VSNL1: variants seen among roughly 807,000 people sequenced by gnomAD.
VSNL1 encodes visinin-like protein 1.
In VSNL1, 6 loss-of-function variants were observed where a neutral mutation model predicts 20.4. That is an observed-to-expected ratio of 0.29 (90% confidence interval 0.16 to 0.58). The LOEUF (loss-of-function observed/expected upper bound fraction) is 0.58, where lower values mean the gene tolerates loss of function less well. Among genes scored for constraint, VSNL1 ranks in the 20% least tolerant of loss-of-function variants. The pLI, the probability that VSNL1 is intolerant of heterozygous loss-of-function variation, is 0.90. For missense variants in VSNL1, 100 were observed against 234.5 expected (o/e 0.43, Z 3.75); for synonymous variants, 93 against 86.4 (o/e 1.08, Z -0.42).
chr2:17,644,741 C>T (rs1367930975), intron 2 of VSNL1, among the ~76,000 whole-genome samples: 1 of 152,188 alleles, frequency 6.6e-6, no homozygotes, highest in Non-Finnish European at 1.5e-5. Flanking sequence ...GAGCCTTGTT[C>T]CACGAGACAC....
rs1664604968 is a variant in VSNL1, at chr2:17,592,140, T to C, written c.66T>C (p.Phe22=). The change falls in exon 2 of 4, where the codon TTT becomes TTC. Residue 22 remains phenylalanine, a synonymous_variant. Transcript: ENST00000295156. The stretch of plus-strand genomic sequence containing the variant: ...AGGACCTGGTGAAGAGCACAGAGTT[T>C]AATGAGCATGAACTCAAGCAGTGGT... ...VMEDLVKSTE[F]NEHELKQWYK... is the part of the protein sequence containing the mutation. The C allele has an allele frequency of 6.2e-7, 1 of 1,613,882 alleles. No homozygotes were observed. Among genetic ancestry groups the C allele is most frequent in the Middle Eastern group, 1.7e-4 (1 of 6,058 alleles).
At chr2:17,639,689 T>C (rs1665839582) in intron 2 of VSNL1, among the ~76,000 whole-genome samples, 3 of 152,224 alleles carry the variant, frequency 2.0e-5, no homozygotes, top group African/African-American at 7.2e-5. Context: ...AATAGCATCT[T>C]TCATCGGCTG....
chr2:17,563,987 G>A (rs1474308085), intron 1 of VSNL1, among the ~76,000 whole-genome samples: 1 of 151,808 alleles, frequency 6.6e-6, no homozygotes, highest in Non-Finnish European at 1.5e-5. Flanking sequence ...ATTACATGAA[G>A]GTTTTTTCAG....
chr2:17,608,745 T>G (rs1168817926), intron 2 of VSNL1, among the ~76,000 whole-genome samples: 1 of 152,128 alleles, frequency 6.6e-6, no homozygotes, highest in African/African-American at 2.4e-5. Context: ...ATAATACATA[T>G]CAGGCAGGAA....
At position 17,649,572 on chromosome 2, in the gene VSNL1, G is replaced by T; in HGVS notation, c.325G>T (p.Asp109Tyr). ...GCTGAACTGGGCCTTCAATATGTAT[G>T]ACCTGGATGGTGATGGCAAGATCAC... ...QKLNWAFNMY[D>Y]LDGDGKITRV... Residue 109 changes from aspartate to tyrosine, a missense_variant, in exon 3 of 4, where the codon GAC (aspartate) becomes TAC (tyrosine). By Grantham distance (160) the Asp-to-Tyr change is radical (BLOSUM62 -3). Coordinates refer to ENST00000295156, the MANE Select transcript of VSNL1 (RefSeq NM_003385.5). This position sits in a 1 kb window ranked among gnomAD's most constrained non-coding sequence, Gnocchi z 6.4. 1 of 1,614,130 alleles carries T rather than the reference G, an allele frequency of 6.2e-7. No homozygotes were observed. Among genetic ancestry groups the T allele is most frequent in the South Asian group, 1.1e-5 (1 of 91,058 alleles).
intron 2 of VSNL1, among the ~76,000 whole-genome samples, chr2:17,618,912 T>C (rs1266735687): frequency 1.3e-5 from 2 of 152,038 alleles, no homozygotes; most frequent in Admixed American, 6.6e-5. Flanking sequence ...CACCAGAAAA[T>C]TCCCCCAGCA....
At chr2:17,554,303 A>G (rs1209045606) in intron 1 of VSNL1, among the ~76,000 whole-genome samples, 1 of 152,198 alleles carries the variant, frequency 6.6e-6, no homozygotes, top group East Asian at 1.9e-4. Context: ...AAATCTACAC[A>G]GTATTCCAGC....
chr2:17,617,669 C>T (rs1394418525), intron 2 of VSNL1, among the ~76,000 whole-genome samples: 4 of 151,990 alleles, frequency 2.6e-5, no homozygotes, highest in South Asian at 2.1e-4. Context: ...GTGGTGCTGC[C>T]GAGAGCTGGG....
chr2:17,610,312 A>G (rs916079630), intron 2 of VSNL1, among the ~76,000 whole-genome samples: 1 of 152,204 alleles, frequency 6.6e-6, no homozygotes. Flanking sequence ...AAAGAGCTCA[A>G]TCAATGAGGG....
intron 2 of VSNL1, among the ~76,000 whole-genome samples, chr2:17,621,214 CCTTT>C (rs979400144): frequency 1.3e-5 from 2 of 151,770 alleles, no homozygotes; most frequent in African/African-American, 2.4e-5. Context: ...TTCCTTCCTT[CCTTT>C]CTCTCTCTCT....
rs1374532754 is a variant in VSNL1 at position 17,655,910 on chromosome 2, GTAC to G, written c.*520_*522del. ...GCTTGTATTATCAGTGAATATAAAT[GTAC>G]TACATTTGCATGCCTTTTGGGTTTG... On this transcript the variant is annotated 3_prime_UTR_variant, in exon 4 of 4. Coordinates refer to ENST00000295156, the MANE Select transcript of VSNL1 (RefSeq NM_003385.5). This position sits in a 1 kb window ranked among gnomAD's most constrained non-coding sequence, Gnocchi z 5.2. The G allele has an allele frequency of 6.5e-6, 1 of 153,088 alleles. No homozygotes were observed. Among genetic ancestry groups the G allele is most frequent in the African/African-American group, 2.4e-5 (1 of 41,430 alleles). 9.5% of individuals were successfully genotyped at this position (153,088 alleles called of 1,614,324 possible).
chr2:17,615,330 A>AT (rs1244663036), intron 2 of VSNL1, among the ~76,000 whole-genome samples: 18 of 152,176 alleles, frequency 1.2e-4, no homozygotes, highest in East Asian at 1.2e-3. Flanking sequence ...ATGGAGTATC[A>AT]TTTTTTAAAA....
chr2:17,549,220 C>T (rs535836254), intron 1 of VSNL1, among the ~76,000 whole-genome samples: 6 of 152,114 alleles, frequency 3.9e-5, no homozygotes, highest in Non-Finnish European at 8.8e-5. Context: ...AGAGGGAGGC[C>T]ATACACACAA....
intron 2 of VSNL1, among the ~76,000 whole-genome samples, chr2:17,601,917 C>T (rs1664829576): frequency 1.3e-5 from 2 of 152,126 alleles, no homozygotes; most frequent in Non-Finnish European, 2.9e-5. Flanking sequence ...GCCTGAATGA[C>T]AGAGCGAGAC....
chr2:17,643,144 C>A (rs114339616), intron 2 of VSNL1, among the ~76,000 whole-genome samples: 9 of 152,166 alleles, frequency 5.9e-5, no homozygotes, highest in Non-Finnish European at 1.2e-4. Context: ...TCTTCTTATG[C>A]GTGGTTGCCT....
Position 17,649,753 on chromosome 2 carries a change from A to T in VSNL1, c.378+128A>T, listed in dbSNP as rs1234032241. 1.1e-6 allele frequency: 1 copy of T among 870,552 alleles called. No homozygotes were observed. The highest frequency in any genetic ancestry group is 1.8e-6 in the Non-Finnish European group (1 of 561,782). 53.9% of individuals were successfully genotyped at this position (870,552 alleles called of 1,614,324 possible). A position where few individuals can be genotyped will look rare whatever the true frequency, so the allele number is the denominator to read the frequency against. On this transcript the variant is annotated intron_variant, in intron 3 of 3. Coordinates refer to ENST00000295156, the MANE Select transcript of VSNL1 (RefSeq NM_003385.5). The surrounding 1 kb of genome is among the most constrained non-coding windows in gnomAD (Gnocchi z 6.4). ...CCTGCCAGCTGCACACCACGCCTGG[A>T]CTTCTCCTGCTTCTGTCCCCGCTGC... is the stretch of plus-strand genomic sequence containing the variant.
intron 2 of VSNL1, among the ~76,000 whole-genome samples, chr2:17,623,583 T>C (rs1184734949): frequency 1.4e-5 from 2 of 142,294 alleles, no homozygotes; most frequent in Non-Finnish European, 3.0e-5. Flanking sequence ...GGCAGGAGAA[T>C]GGCGTGAACC....
At chr2:17,569,343 A>G (rs898915510) in intron 1 of VSNL1, among the ~76,000 whole-genome samples, 1 of 151,400 alleles carries the variant, frequency 6.6e-6, no homozygotes, top group Non-Finnish European at 1.5e-5. Context: ...TAAATTAAAT[A>G]AAATAAATTA....
chr2:17,652,914 TCTC>T (rs1169034635), intron 3 of VSNL1, among the ~76,000 whole-genome samples: 3 of 152,174 alleles, frequency 2.0e-5, no homozygotes, highest in African/African-American at 7.2e-5. Context: ...TTGGGACCCT[TCTC>T]CTTGTGCTGC....
Sources: gnomAD v4.1 joint callset for allele counts (sites outside exome capture counted in the v4.1 genomes callset) on GRCh38, gnomAD v4.1.1 for gene constraint, Gnocchi (gnomAD v3.1) non-coding constraint, MANE v1.5 for transcripts, NCBI Gene and HGNC (gene_info 2026-07-23, HGNC 2026-07-21) for gene names.